SLC35D1: variants seen among roughly 807,000 people sequenced by gnomAD.
SLC35D1 encodes solute carrier family 35 member D1, also known as nucleotide sugar transporter SLC35D1.
In SLC35D1, 31 loss-of-function variants were observed where a neutral mutation model predicts 46.7. The observed-to-expected ratio is 0.66, with a 90% CI of 0.50 to 0.90. The LOEUF (loss-of-function observed/expected upper bound fraction) is 0.90. Ranked by LOEUF, SLC35D1 falls within the 40% of genes least tolerant of loss-of-function variation. The probability of loss-of-function intolerance (pLI) is 0.00; values close to 1 mark genes in which losing one functional copy is unlikely to be tolerated. For missense variants in SLC35D1, 397 were observed against 426.2 expected, an observed-to-expected ratio of 0.93 and a Z score of 0.60; for synonymous variants, 195 against 164.6, an observed-to-expected ratio of 1.18 and a Z score of -1.41.
At chr1:67,043,087 T>C (rs1397214979) in intron 7 of SLC35D1, among the ~76,000 whole-genome samples, 2 of 150,976 alleles carry the variant, frequency 1.3e-5, no homozygotes, top group East Asian at 1.9e-4. Context: ...CCCAGCTACT[T>C]GGGAGGCTGA....
At chr1:66,993,383 G>C in the SLC35D1 span, among the ~76,000 whole-genome samples, 1 of 152,204 alleles carries the variant, frequency 6.6e-6, no homozygotes, top group South Asian at 2.1e-4. Flanking sequence ...CAGTGACCAT[G>C]ATGGACTGAA....
intron 8 of SLC35D1, among the ~76,000 whole-genome samples, chr1:67,038,710 TA>T (rs970947949): frequency 8.5e-5 from 13 of 152,178 alleles, no homozygotes; most frequent in Admixed American, 1.3e-4. Context: ...AGGCATAGTT[TA>T]AAAAAATGTT....
the SLC35D1 span, chr1:66,988,332 CTTCT>C: frequency 6.6e-6 from 1 of 152,306 alleles, no homozygotes; most frequent in African/African-American, 2.4e-5. Flanking sequence ...AATTAACTCT[CTTCT>C]TTAATATCAA....
the SLC35D1 span, chr1:66,976,575 C>T: frequency 2.6e-6 from 4 of 1,538,752 alleles, no homozygotes; most frequent in East Asian, 2.3e-5. Context: ...TTCTTAAAAG[C>T]AAGCATTTGT....
chr1:67,047,463 A>C, intron 6 of SLC35D1, 96 bp from the exon 7 acceptor site: 89 of 1,059,968 alleles, frequency 8.4e-5, no homozygotes, highest in Non-Finnish European at 1.2e-4. Context: ...ACATATTCTC[A>C]TCTAGGGAAG....
At chr1:67,016,765 ATC>A (rs1667694068) in intron 10 of SLC35D1, among the ~76,000 whole-genome samples, 1 of 152,148 alleles carries the variant, frequency 6.6e-6, no homozygotes, top group African/African-American at 2.4e-5. Context: ...TTCAATACAC[ATC>A]TGTTTTCTTT....
At chr1:66,995,162 C>T (rs1481187955), downstream of SLC35D1, among the ~76,000 whole-genome samples, 2 of 152,036 alleles carry the variant, frequency 1.3e-5, no homozygotes, top group Admixed American at 1.3e-4. Context: ...TCCCAGTGAT[C>T]CTGTCATAGT....
At chr1:67,010,642 T>C (rs1372897782) in intron 10 of SLC35D1, among the ~76,000 whole-genome samples, 4 of 152,218 alleles carry the variant, frequency 2.6e-5, no homozygotes, top group Admixed American at 6.5e-5. Context: ...AATATTTCCA[T>C]TACACTTACC....
At chr1:67,029,160 T>C (rs1404828755) in intron 8 of SLC35D1, among the ~76,000 whole-genome samples, 2 of 152,208 alleles carry the variant, frequency 1.3e-5, no homozygotes, top group East Asian at 3.8e-4. Context: ...TGCACATTAG[T>C]ATCTTTCCTG....
At chr1:66,988,027 C>T in the SLC35D1 span, 1 of 152,228 alleles carries the variant, frequency 6.6e-6, no homozygotes, top group Non-Finnish European at 1.5e-5. Context: ...TGTTTTGTCA[C>T]AATATTTTCT....
chr1:67,042,848 G>A (rs2815376), intron 7 of SLC35D1, among the ~76,000 whole-genome samples: 75,380 of 151,986 alleles, frequency 0.5, 21,027 homozygotes, highest in South Asian at 0.68. Flanking sequence ...CAGATTGCTT[G>A]AGCCCAGGAG....
intron 8 of SLC35D1, among the ~76,000 whole-genome samples, chr1:67,030,531 G>C (rs1160264059): frequency 6.6e-6 from 1 of 151,972 alleles, no homozygotes; most frequent in Non-Finnish European, 1.5e-5. Context: ...TCACTGACAT[G>C]GAGGGAATCT....
chr1:66,998,215 A>G (rs1445497207), downstream of SLC35D1, among the ~76,000 whole-genome samples: 4 of 152,184 alleles, frequency 2.6e-5, no homozygotes, highest in Non-Finnish European at 5.9e-5. Flanking sequence ...TTGGCTGGGC[A>G]CAGTGGCTCA....
intron 10 of SLC35D1, among the ~76,000 whole-genome samples, chr1:67,015,450 C>T (rs180868313): frequency 3.9e-4 from 59 of 152,058 alleles, no homozygotes; most frequent in Non-Finnish European, 4.6e-4. Context: ...AGTGCAGTGG[C>T]GTGATCTCAG....
chr1:67,003,670 C>G lies in SLC35D1; in HGVS notation c.*670G>C, dbSNP rs903392760. The G allele has an allele frequency of 6.5e-6, 1 of 152,754 alleles. No individual in the cohort carries two copies. Among genetic ancestry groups the G allele is most frequent in the Non-Finnish European group, 1.5e-5 (1 of 68,400 alleles). 9.5% of individuals were successfully genotyped at this position (152,754 alleles called of 1,614,324 possible). On this transcript the variant is annotated 3_prime_UTR_variant, in exon 12 of 12. Coordinates refer to ENST00000235345, the MANE Select transcript of SLC35D1 (RefSeq NM_015139.3). The stretch of plus-strand genomic sequence containing the variant: ...AAATAGATGAAAAATTAGTAAAAGG[C>G]CTACTTTCTCACCCCCTTCATTATC...
chr1:67,035,151 C>CAT (rs1485663125), intron 8 of SLC35D1, among the ~76,000 whole-genome samples: 2 of 151,536 alleles, frequency 1.3e-5, no homozygotes, highest in African/African-American at 4.9e-5. Context: ...TGTGTGCGCG[C>CAT]GTGTGTGTGT....
At chr1:66,986,385 CTTG>C in the SLC35D1 span, 14 of 1,608,296 alleles carry the variant, frequency 8.7e-6, no homozygotes, top group African/African-American at 1.7e-4. Context: ...ATTAATTATT[CTTG>C]TTTTTCTCAC....
the SLC35D1 span, chr1:66,973,009 CTT>C: frequency 6.9e-7 from 1 of 1,439,514 alleles, no homozygotes; most frequent in Non-Finnish European, 9.7e-7. Context: ...ATGATAATCT[CTT>C]TTTTGCAAAA....
At chr1:66,984,422 C>T in the SLC35D1 span, 29 of 534,690 alleles carry the variant, frequency 5.4e-5, no homozygotes, top group East Asian at 9.3e-5. Context: ...TTGCCTAAGG[C>T]GACATAGCTT....
Sources: allele counts gnomAD v4.1 joint callset (sites outside exome capture counted in the v4.1 genomes callset), GRCh38; gene constraint gnomAD v4.1.1; transcripts MANE v1.5; gene names NCBI Gene and HGNC (gene_info 2026-07-23, HGNC 2026-07-21).